SYNE2: variants seen among roughly 807,000 people sequenced by gnomAD.
The protein encoded by SYNE2 is nesprin-2.
SYNE2 carries 431 observed loss-of-function variants against 856.3 expected under a neutral mutation model. The ratio of observed to expected loss-of-function variants is 0.50; its 90% CI spans 0.47 to 0.55. The LOEUF is 0.55. SYNE2 is among the 20% of genes least tolerant of loss of function. SYNE2 has a pLI of 0.00. For synonymous variants in SYNE2, 2,923 were observed against 2,872.3 expected (o/e 1.02, Z -0.56); for missense variants, 8,129 against 8,023.2 (o/e 1.01, Z -0.50).
intron 19 of SYNE2, among the ~76,000 whole-genome samples, chr14:63,986,834 G>A (rs888626975): frequency 3.9e-5 from 6 of 152,160 alleles, no homozygotes; most frequent in African/African-American, 9.7e-5. Context: ...ACCTATGAAT[G>A]TTAAGCTCTT....
chr14:63,863,236 A>G (rs551170166), intron 1 of SYNE2, among the ~76,000 whole-genome samples: 30 of 152,182 alleles, frequency 2.0e-4, no homozygotes, highest in African/African-American at 4.8e-4. Context: ...GTCTTAGTCA[A>G]TGTGCTCCAT....
At chr14:64,117,630 A>G (rs1005153488) in intron 66 of SYNE2, among the ~76,000 whole-genome samples, 12 of 152,182 alleles carry the variant, frequency 7.9e-5, no homozygotes, top group African/African-American at 2.9e-4. Flanking sequence ...TCATATACAT[A>G]TCCTGAAGGT....
At chr14:63,767,237 C>G (rs904427622) in intron 1 of SYNE2, among the ~76,000 whole-genome samples, 12 of 151,646 alleles carry the variant, frequency 7.9e-5, no homozygotes, top group Admixed American at 2.6e-4. Context: ...TCCCAAGTAG[C>G]TGGGATTTCA....
intron 2 of SYNE2, among the ~76,000 whole-genome samples, chr14:63,931,006 C>T (rs2095746713): frequency 6.6e-6 from 1 of 152,116 alleles, no homozygotes; most frequent in African/African-American, 2.4e-5. Flanking sequence ...AGGGGAGAGT[C>T]TTGTGGGACT....
intron 1 of SYNE2, among the ~76,000 whole-genome samples, chr14:63,891,803 C>A (rs1320838913): frequency 3.9e-5 from 6 of 151,946 alleles, no homozygotes; most frequent in Admixed American, 2.6e-4. Flanking sequence ...AAGAATGGGT[C>A]CCGGCCAAGC....
At chr14:64,127,199 T>C (rs556925858) in intron 73 of SYNE2, among the ~76,000 whole-genome samples, 10 of 151,884 alleles carry the variant, frequency 6.6e-5, no homozygotes, top group African/African-American at 2.4e-4. Context: ...AGGCAGAAGT[T>C]GCAGTGAGCT....
At chr14:64,223,453 A>G (rs912323156) in intron 113 of SYNE2, 73 bp downstream of exon 113, 9 of 1,556,954 alleles carry the variant, frequency 5.8e-6, no homozygotes, top group Admixed American at 5.0e-5. Context: ...TGTTGTAGCA[A>G]TGCTCTAAGA....
At position 64,225,135 on chromosome 14, in the gene SYNE2, C is replaced by CA. The variant is rs949002411; in HGVS notation, c.20516+95dup. ...GCCAATGCCACTATCAAGGTCCTTG[C>CA]AAAAATCTGGTTTTCTTTTGTCTGG... On this transcript the variant is annotated intron_variant, in intron 115 of 115. Transcript: ENST00000555002. 11 of 1,565,604 alleles carry CA rather than the reference C, an allele frequency of 7.0e-6. No homozygotes were observed. The African/African-American group carries it at 1.4e-4, about 19-fold the overall frequency.
chr14:63,857,589 A>G (rs959081899), intron 1 of SYNE2, among the ~76,000 whole-genome samples: 1 of 152,204 alleles, frequency 6.6e-6, no homozygotes, highest in African/African-American at 2.4e-5. Flanking sequence ...AAAATAGTCT[A>G]TGAGGGTTCC....
At chr14:64,022,614 A>G in intron 37 of SYNE2, 137 bp from the exon 38 acceptor site, 1 of 689,716 alleles carries the variant, frequency 1.4e-6, no homozygotes, top group East Asian at 2.7e-5. Flanking sequence ...AGCCCTCAAA[A>G]TTGGGTTTCA....
Position 64,225,578 on chromosome 14 carries a change from C to T in SYNE2, c.*52C>T. Reference sequence around the variant, plus strand: ...CCACCTGCCTGATTGCCAAGGGTGCCCAGCACGTGGCCCCAGACCAATCTG... The same window carrying T: ...CCACCTGCCTGATTGCCAAGGGTGCTCAGCACGTGGCCCCAGACCAATCTG... On this transcript the variant is annotated 3_prime_UTR_variant, in exon 116 of 116. Coordinates refer to ENST00000555002, the MANE Select transcript of SYNE2 (RefSeq NM_182914.3). 10 of 1,582,376 alleles carry T rather than the reference C, an allele frequency of 6.3e-6. No individual in the cohort carries two copies. The highest frequency in any genetic ancestry group is 8.6e-6 in the Non-Finnish European group (10 of 1,156,262).
intron 1 of SYNE2, among the ~76,000 whole-genome samples, chr14:63,813,197 TGTAAACAATCAAGCAA>T (rs1888684285): frequency 6.6e-6 from 1 of 152,218 alleles, no homozygotes; most frequent in Admixed American, 6.5e-5. Flanking sequence ...GCTGCACTTA[TGTAAACAATCAAGCAA>T]GTTTAATGAG....
intron 113 of SYNE2, among the ~76,000 whole-genome samples, chr14:64,224,181 C>CAAAAAAAAAAAAAAAAA (rs35804232): frequency 1.3e-5 from 1 of 74,748 alleles, no homozygotes; most frequent in African/African-American, 5.5e-5. Flanking sequence ...CCCGTCTCTG[C>CAAAAAAAAAAAAAAAAA]AAAAAAAAAA....
In SYNE2 at chr14:64,126,469, T is replaced by A; in HGVS notation, c.13697T>A (p.Val4566Glu). The A allele has an allele frequency of 6.2e-7, 1 of 1,614,114 alleles. No individual in the cohort carries two copies. Among genetic ancestry groups the A allele is most frequent in the Non-Finnish European group, 8.5e-7 (1 of 1,180,010 alleles). Residue 4566 changes from valine (V) to glutamate (E), a missense_variant, in exon 72 of 116, where the codon GTG becomes GAG. Transcript: ENST00000555002. ...AGGGAGGATGGTTCTGGCCAGCAGG[T>A]GCACTACGAGGTAGGGCACTTCTCA... ...LYREDGSGQQ[V>E]HYETLALELK...
intron 2 of SYNE2, among the ~76,000 whole-genome samples, chr14:63,923,721 G>A (rs148427531): frequency 1.0e-3 from 153 of 152,046 alleles, no homozygotes; most frequent in African/African-American, 3.5e-3. Flanking sequence ...CACATACAAT[G>A]CAATTCACCC....
At chr14:63,989,175 A>G (rs2096648271) in intron 19 of SYNE2, among the ~76,000 whole-genome samples, 1 of 152,098 alleles carries the variant, frequency 6.6e-6, no homozygotes, top group Admixed American at 6.5e-5. Flanking sequence ...AGCTCTTTGA[A>G]TTGTGATCCA....
chr14:63,903,437 G>GT (rs986268203), intron 1 of SYNE2, among the ~76,000 whole-genome samples: 5 of 151,632 alleles, frequency 3.3e-5, no homozygotes, highest in South Asian at 2.1e-4. Flanking sequence ...GTCTTAATTG[G>GT]TTTTTTTTGG....
In SYNE2 at chr14:64,210,024, G is replaced by C. The variant is rs773412011; in HGVS notation, c.18623G>C (p.Arg6208Pro). The part of the protein sequence containing the change: ...KQYRRLAREN[R>P]TDTASRLKQM... The stretch of plus-strand genomic sequence containing the variant: ...TACCGGCGGCTGGCCCGGGAGAACC[G>C]CACAGACACGGCCAGCAGGCTGAAG... Residue 6208 changes from arginine (R) to proline (P), a missense_variant, in exon 103 of 116, where the codon CGC (arginine) becomes CCC (proline). Transcript: ENST00000555002. The C allele has an allele frequency of 6.2e-7, 1 of 1,614,036 alleles. No homozygotes were observed. Among genetic ancestry groups the C allele is most frequent in the Non-Finnish European group, 8.5e-7 (1 of 1,180,024 alleles).
At chr14:64,062,138 AT>A (rs2097322432) in intron 49 of SYNE2, among the ~76,000 whole-genome samples, 1 of 152,164 alleles carries the variant, frequency 6.6e-6, no homozygotes, top group Non-Finnish European at 1.5e-5. Flanking sequence ...TTATTTTAAA[AT>A]TTTATAACAG....
Sources: allele counts gnomAD v4.1 joint callset (sites outside exome capture counted in the v4.1 genomes callset), GRCh38; gene constraint gnomAD v4.1.1; transcripts MANE v1.5; gene names NCBI Gene and HGNC (gene_info 2026-07-23, HGNC 2026-07-21).